The following KIF26B variants were observed in gnomAD, a reference collection of about 807,000 sequenced individuals.
KIF26B encodes kinesin family member 26B.
A neutral mutation model predicts 151.2 loss-of-function variants in KIF26B; 63 were observed. That is an observed-to-expected ratio of 0.42 (90% CI 0.34 to 0.51). KIF26B has a LOEUF of 0.51. KIF26B is among the 20% of genes least tolerant of loss of function. The probability of loss-of-function intolerance (pLI) is 0.07; values close to 1 mark genes in which losing one functional copy is unlikely to be tolerated. For synonymous variants in KIF26B, 1,357 were observed against 1,262.1 expected (o/e 1.08, Z -1.59); for missense variants, 2,813 against 2,913.6 (o/e 0.97, Z 0.79).
chr1:245,379,307 C>T (rs114631554), intron 3 of KIF26B, among the ~76,000 whole-genome samples: 6,443 of 152,190 alleles, frequency 0.042, 336 homozygotes, highest in Admixed American at 0.16. Context: ...CAGTTTTCCC[C>T]CATATTTGGG....
intron 2 of KIF26B, among the ~76,000 whole-genome samples, chr1:245,200,104 G>A (rs1051028776): frequency 3.3e-5 from 5 of 152,108 alleles, no homozygotes; most frequent in South Asian, 2.1e-4. Context: ...GCACACTCTC[G>A]TTAATCCCAC....
At position 245,706,045 on chromosome 1, in the gene KIF26B, A is replaced by G. The variant is rs1218970246; in HGVS notation, c.*3439A>G. On this transcript the variant is annotated 3_prime_UTR_variant, in exon 15 of 15. Coordinates refer to ENST00000407071, the MANE Select transcript of KIF26B (RefSeq NM_018012.4). ...CTGAGCTGGAGAAGGGGCTCCTCTCATGAGAAGCTGGGGTAAACAGCCAGG... is the reference window on the plus strand; with the variant it reads ...CTGAGCTGGAGAAGGGGCTCCTCTCGTGAGAAGCTGGGGTAAACAGCCAGG... 6.6e-6 allele frequency: 1 copy of G among 152,228 alleles called. No homozygotes were observed. Among genetic ancestry groups the G allele is most frequent in the East Asian group, 1.9e-4 (1 of 5,202 alleles). The allele number at this position is 152,228 out of a possible 1,614,324, so 9.4% of individuals were successfully genotyped here. A position where few individuals can be genotyped will look rare whatever the true frequency, so the allele number is the denominator to read the frequency against.
intron 2 of KIF26B, among the ~76,000 whole-genome samples, chr1:245,281,199 G>A (rs1480915629): frequency 1.5e-5 from 1 of 68,074 alleles, no homozygotes; most frequent in Non-Finnish European, 2.7e-5. Context: ...CACAATGGTT[G>A]AACTAGTTTA....
chr1:245,404,716 T>C (rs1197318810), intron 3 of KIF26B, among the ~76,000 whole-genome samples: 1 of 152,208 alleles, frequency 6.6e-6, no homozygotes, highest in Non-Finnish European at 1.5e-5. Flanking sequence ...GCAGAATATT[T>C]ACTTAGTGAA....
chr1:245,655,435 A>C (rs2044062856), intron 10 of KIF26B, among the ~76,000 whole-genome samples: 1 of 152,234 alleles, frequency 6.6e-6, no homozygotes, highest in African/African-American at 2.4e-5. Context: ...CAAGTAGATA[A>C]TTACCGTCTA....
rs374708495 is a variant in KIF26B at position 245,638,593 on chromosome 1, T to A, written c.2099-7528T>A. ...GATCTTAGTGAAAGGTTTTCTATTTTAACCTATTCAGTATGACATAAGCTG... is the reference window on the plus strand; with the variant it reads ...GATCTTAGTGAAAGGTTTTCTATTTAAACCTATTCAGTATGACATAAGCTG... On this transcript the variant is annotated intron_variant, in intron 9 of 14. Coordinates refer to ENST00000407071, the MANE Select transcript of KIF26B (RefSeq NM_018012.4). Among the ~76,000 whole-genome samples the A allele has an allele frequency of 1.5e-4, 23 of 152,048 alleles. No homozygotes were observed. The East Asian group carries it at 3.5e-3, about 23-fold the overall frequency.
intron 4 of KIF26B, among the ~76,000 whole-genome samples, chr1:245,420,094 C>G (rs1658442265): frequency 6.6e-6 from 1 of 152,154 alleles, no homozygotes; most frequent in African/African-American, 2.4e-5. Context: ...CAAAGATGCT[C>G]TTTTGCAGCA....
At chr1:245,357,037 A>G (rs2103003969) in intron 2 of KIF26B, among the ~76,000 whole-genome samples, 1 of 152,310 alleles carries the variant, frequency 6.6e-6, no homozygotes, top group Non-Finnish European at 1.5e-5. Flanking sequence ...GGTGTGTTCA[A>G]GGAACAGCCA....
At chr1:245,603,194 G>A (rs535220111) in intron 6 of KIF26B, among the ~76,000 whole-genome samples, 1 of 152,182 alleles carries the variant, frequency 6.6e-6, no homozygotes, top group South Asian at 2.1e-4. Flanking sequence ...CCATCTCCTA[G>A]GCCCTGTATA....
chr1:245,612,125 A>G (rs944074336), intron 9 of KIF26B, 149 bp downstream of exon 9: 5 of 787,336 alleles, frequency 6.4e-6, no homozygotes, highest in African/African-American at 3.5e-5. Flanking sequence ...AGAGAGAGAG[A>G]GAGAGACAGG....
At chr1:245,682,455 TAAGACC>T (rs2044453333) in intron 10 of KIF26B, among the ~76,000 whole-genome samples, 1 of 146,448 alleles carries the variant, frequency 6.8e-6, no homozygotes, top group African/African-American at 2.6e-5. Context: ...ACTACTCATG[TAAGACC>T]TGACTGTATA....
chr1:245,226,620 C>T lies in KIF26B; in HGVS notation c.465+69937C>T, dbSNP rs138305320. 9.6e-3 allele frequency among the ~76,000 whole-genome samples: 1,456 copies of T among 152,076 alleles called. 22 individuals carry two copies. The highest frequency in any genetic ancestry group is 0.03 in the African/African-American group (1,226 of 41,458). ...CTGGGATTACAGGCATGCACCACCA[C>T]GCCCGGCTAATTTTGTATTTTTAGT... On this transcript the variant is annotated intron_variant, in intron 2 of 14. Coordinates refer to ENST00000407071, the MANE Select transcript of KIF26B (RefSeq NM_018012.4).
intron 3 of KIF26B, among the ~76,000 whole-genome samples, chr1:245,377,509 G>T (rs553264480): frequency 1.6e-4 from 24 of 152,322 alleles, no homozygotes; most frequent in Admixed American, 1.4e-3. Flanking sequence ...AAAAGCAATT[G>T]TGGGTTTTGC....
At position 245,687,630 on chromosome 1, in the gene KIF26B, G is replaced by T. The variant is rs1411880497; in HGVS notation, c.4647G>T (p.Glu1549Asp). The T allele has an allele frequency of 6.4e-7, 1 of 1,565,812 alleles. No homozygotes were observed. Among genetic ancestry groups the T allele is most frequent in the Non-Finnish European group, 8.7e-7 (1 of 1,155,592 alleles). ...RAFQKASRQE[E>D]PDSLSYYCAA... ...TTCAGAAGGCCAGCCGGCAGGAGGA[G>T]CCGGACAGCCTCTCCTATTACTGCG... The change falls in exon 12 of 15, where the codon GAG (glutamate) becomes GAT (aspartate). Residue 1549 changes from glutamate to aspartate, a missense_variant. Coordinates refer to ENST00000407071, the MANE Select transcript of KIF26B (RefSeq NM_018012.4). This position sits in a 1 kb window ranked among gnomAD's most constrained non-coding sequence, Gnocchi z 4.9.
At chr1:245,443,658 C>T (rs868085994) in intron 4 of KIF26B, among the ~76,000 whole-genome samples, 1 of 94,348 alleles carries the variant, frequency 1.1e-5, no homozygotes, top group Non-Finnish European at 2.2e-5. Flanking sequence ...TCACTGTTCA[C>T]CTAGAGGAGA....
intron 2 of KIF26B, chr1:245,206,417 C>T (rs906346731): frequency 2.0e-5 from 3 of 152,154 alleles, no homozygotes; most frequent in Non-Finnish European, 4.4e-5. Flanking sequence ...ATTGATTTTC[C>T]TTATGAGTAG....
chr1:245,472,863 GTC>G (rs1659945484), intron 4 of KIF26B, among the ~76,000 whole-genome samples: 1 of 152,212 alleles, frequency 6.6e-6, no homozygotes, highest in Admixed American at 6.5e-5. Context: ...TTATGTGTCT[GTC>G]TCTTTCTCTA....
At chr1:245,250,215 TTTTATGGG>T (rs1319511174) in intron 2 of KIF26B, among the ~76,000 whole-genome samples, 5 of 152,144 alleles carry the variant, frequency 3.3e-5, no homozygotes, top group African/African-American at 1.2e-4. Context: ...TCCTACATAC[TTTTATGGG>T]TACCTACATC....
At chr1:245,549,254 C>T (rs1661823486) in intron 5 of KIF26B, among the ~76,000 whole-genome samples, 2 of 152,096 alleles carry the variant, frequency 1.3e-5, no homozygotes, top group South Asian at 2.1e-4. Context: ...CCTGTAATTC[C>T]TAATTAGCAT....
Sources: gnomAD v4.1 joint callset for allele counts (sites outside exome capture counted in the v4.1 genomes callset) on GRCh38, gnomAD v4.1.1 for gene constraint, Gnocchi (gnomAD v3.1) non-coding constraint, MANE v1.5 for transcripts, NCBI Gene and HGNC (gene_info 2026-07-23, HGNC 2026-07-21) for gene names.